Variants in PDE4D observed in about 807,000 individuals in gnomAD.
The protein encoded by PDE4D is phosphodiesterase 4D, also known as 3',5'-cyclic-AMP phosphodiesterase 4D.
In PDE4D, 24 loss-of-function variants were observed where a neutral mutation model predicts 87.4. The ratio of observed to expected loss-of-function variants is 0.27; its 90% CI spans 0.20 to 0.39. The LOEUF (loss-of-function observed/expected upper bound fraction) is 0.39, where lower values mean the gene tolerates loss of function less well. Among genes scored for constraint, PDE4D ranks in the 10% least tolerant of loss-of-function variants. The probability of loss-of-function intolerance (pLI) is 1.00; values close to 1 mark genes in which losing one functional copy is unlikely to be tolerated. For missense variants in PDE4D, 714 were observed against 1,041.0 expected (o/e 0.69, Z 4.32); for synonymous variants, 384 against 383.2 (o/e 1.00, Z -0.02).
chr5:59,669,286 T>C (rs981270222), intron 1 of PDE4D, among the ~76,000 whole-genome samples: 7 of 152,066 alleles, frequency 4.6e-5, no homozygotes, highest in Non-Finnish European at 1.0e-4. Flanking sequence ...GCTAATTTTG[T>C]ATTTTTGGTA....
intron 1 of PDE4D, among the ~76,000 whole-genome samples, chr5:59,536,418 T>G (rs2153682065): frequency 7.4e-6 from 1 of 136,004 alleles, no homozygotes; most frequent in African/African-American, 2.8e-5. Flanking sequence ...GGCAAGAGAA[T>G]GGCGTGAACC....
chr5:59,965,674 G>C (rs953167157), intron 3 of PDE4D, among the ~76,000 whole-genome samples: 3 of 152,102 alleles, frequency 2.0e-5, no homozygotes, highest in African/African-American at 7.2e-5. Context: ...GATAGTTATG[G>C]TATTTTAATA....
intron 1 of PDE4D, among the ~76,000 whole-genome samples, chr5:59,635,710 C>T (rs953187881): frequency 5.3e-5 from 8 of 151,114 alleles, no homozygotes; most frequent in Admixed American, 2.6e-4. Context: ...TAAAAACACT[C>T]AATAGGTATT....
Position 59,200,699 on chromosome 5 carries a change from G to GTA in PDE4D, c.648-7165_648-7164dup, listed in dbSNP as rs1431422685. Among the ~76,000 whole-genome samples the GTA allele has an allele frequency of 1.7e-5, 2 of 115,678 alleles. 1 individual carries two copies. Among genetic ancestry groups the GTA allele is most frequent in the African/African-American group, 7.8e-5 (2 of 25,602 alleles). The allele number at this position is 115,678 out of a possible 152,430, so 75.9% of individuals were successfully genotyped here. A position where few individuals can be genotyped will look rare whatever the true frequency, so the allele number is the denominator to read the frequency against. ...TACACGTATACATACATATGTGTAT[G>GTA]TATAGATACACGTATACATACATAT... is the stretch of plus-strand genomic sequence containing the variant. On this transcript the variant is annotated intron_variant, in intron 2 of 14. Transcript: ENST00000340635.
At chr5:59,539,157 T>C (rs751785941) in intron 1 of PDE4D, among the ~76,000 whole-genome samples, 4 of 152,212 alleles carry the variant, frequency 2.6e-5, no homozygotes, top group African/African-American at 7.2e-5. Flanking sequence ...TGTGAGTATC[T>C]TGCTCACTGT....
At chr5:59,576,243 G>C (rs1408330334) in intron 1 of PDE4D, among the ~76,000 whole-genome samples, 1 of 152,072 alleles carries the variant, frequency 6.6e-6, no homozygotes, top group Non-Finnish European at 1.5e-5. Flanking sequence ...TCATGGAGAG[G>C]TTAGATAAGT....
intron 1 of PDE4D, among the ~76,000 whole-genome samples, chr5:59,490,941 G>A (rs1159716818): frequency 6.6e-6 from 1 of 151,960 alleles, no homozygotes; most frequent in African/African-American, 2.4e-5. Flanking sequence ...TGAGTTCCAC[G>A]ATCCACGTAT....
chr5:59,769,206 C>T (rs77448214), intron 1 of PDE4D, among the ~76,000 whole-genome samples: 2,348 of 152,216 alleles, frequency 0.015, 20 homozygotes, highest in Middle Eastern at 0.048. Context: ...CTTTTTCTCC[C>T]TCTGTCTCTA....
At chr5:59,832,348 T>C (rs765047971) in intron 1 of PDE4D, among the ~76,000 whole-genome samples, 22 of 152,088 alleles carry the variant, frequency 1.4e-4, no homozygotes, top group Non-Finnish European at 2.8e-4. Context: ...AGAGTGGATT[T>C]CTTAGGAAGA....
chr5:60,333,226 A>T (rs13166747), intron 1 of PDE4D, among the ~76,000 whole-genome samples: 34,699 of 152,122 alleles, frequency 0.23, 4,399 homozygotes, highest in East Asian at 0.48. Flanking sequence ...TAAAATACAG[A>T]TGCAAACAGG....
At chr5:59,247,441 A>C (rs1385352973) in intron 1 of PDE4D, among the ~76,000 whole-genome samples, 1 of 152,158 alleles carries the variant, frequency 6.6e-6, no homozygotes, top group Non-Finnish European at 1.5e-5. Context: ...GGGCAACTTC[A>C]ATTTCCCAGA....
chr5:59,154,101 C>A (rs138554188), intron 5 of PDE4D, among the ~76,000 whole-genome samples: 3 of 151,882 alleles, frequency 2.0e-5, no homozygotes, highest in Non-Finnish European at 2.9e-5. Context: ...GGGTACCACA[C>A]GAAAGAGATC....
intron 1 of PDE4D, among the ~76,000 whole-genome samples, chr5:59,364,238 C>T (rs1024632513): frequency 6.6e-6 from 1 of 152,096 alleles, no homozygotes; most frequent in Non-Finnish European, 1.5e-5. Flanking sequence ...CTGGTTTTTG[C>T]TTTCAGTGTT....
chr5:59,609,211 G>A (rs116833339), intron 1 of PDE4D, among the ~76,000 whole-genome samples: 275 of 152,196 alleles, frequency 1.8e-3, no homozygotes, highest in African/African-American at 6.0e-3. Flanking sequence ...GGAAGAAGGT[G>A]TACTCATCAT....
At chr5:59,539,514 T>C (rs1225928355) in intron 1 of PDE4D, among the ~76,000 whole-genome samples, 5 of 152,172 alleles carry the variant, frequency 3.3e-5, no homozygotes, top group African/African-American at 1.2e-4. Context: ...CCCATTTCTC[T>C]GAGAAAATGA....
At position 60,123,395 on chromosome 5, in the gene PDE4D, A is replaced by G. The variant is rs186355419; in HGVS notation, c.42+62162T>C. Among the ~76,000 whole-genome samples the G allele has an allele frequency of 2.8e-3, 434 of 152,328 alleles. 3 individuals are homozygous for G. Among genetic ancestry groups the G allele is most frequent in the Non-Finnish European group, 4.7e-3 (319 of 68,026 alleles). ...TCCACATGGCTGGGAAGGCCTCACA[A>G]TTATGGCAGGAGGCAAAAGGTACTT... On this transcript the variant is annotated intron_variant, in intron 2 of 16. Transcript: ENST00000502484.
chr5:59,888,762 A>C (rs911949865), intron 1 of PDE4D, among the ~76,000 whole-genome samples: 2 of 152,140 alleles, frequency 1.3e-5, no homozygotes, highest in East Asian at 3.9e-4. Flanking sequence ...AACCTAGATT[A>C]CCGTTACATC....
intron 1 of PDE4D, among the ~76,000 whole-genome samples, chr5:59,370,198 T>C (rs1783733317): frequency 6.6e-6 from 1 of 152,192 alleles, no homozygotes; most frequent in South Asian, 2.1e-4. Context: ...TACTCTATTC[T>C]TCACAGAGCA....
intron 1 of PDE4D, among the ~76,000 whole-genome samples, chr5:59,825,745 G>T (rs1469637738): frequency 6.6e-6 from 1 of 152,144 alleles, no homozygotes; most frequent in Non-Finnish European, 1.5e-5. Flanking sequence ...GTACTTAACT[G>T]GTACTTTAAC....
Sources: allele counts gnomAD v4.1 joint callset (sites outside exome capture counted in the v4.1 genomes callset), GRCh38; gene constraint gnomAD v4.1.1; transcripts MANE v1.5; gene names NCBI Gene and HGNC (gene_info 2026-07-23, HGNC 2026-07-21).